Variants in RPS6KC1 observed in about 807,000 individuals in gnomAD.
RPS6KC1 encodes inactive ribosomal protein S6 kinase delta-1.
RPS6KC1 carries 54 observed loss-of-function variants against 103.8 expected under a neutral mutation model. The ratio of observed to expected loss-of-function variants is 0.52; its 90% CI spans 0.42 to 0.65. RPS6KC1 has a LOEUF of 0.65. RPS6KC1 is among the 30% of genes least tolerant of loss of function. The pLI is 0.00. For missense variants in RPS6KC1, 1,151 were observed against 1,253.8 expected, an observed-to-expected ratio of 0.92 and a Z score of 1.24; for synonymous variants, 439 against 438.7, an observed-to-expected ratio of 1.00 and a Z score of -0.01.
the RPS6KC1 span, among the ~76,000 whole-genome samples, chr1:213,698,952 G>A: frequency 3.3e-5 from 5 of 151,680 alleles, no homozygotes; most frequent in Non-Finnish European, 5.9e-5. Flanking sequence ...TATATTTTGA[G>A]GGTACGTGAG....
intron 2 of RPS6KC1, among the ~76,000 whole-genome samples, chr1:213,072,366 A>T (rs775905311): frequency 1.1e-4 from 16 of 152,004 alleles, no homozygotes; most frequent in Non-Finnish European, 1.5e-5. Flanking sequence ...TTTTTGTCCT[A>T]TGATTTAAAA....
chr1:213,070,085 T>A (rs2078730262), intron 1 of RPS6KC1, among the ~76,000 whole-genome samples: 1 of 152,258 alleles, frequency 6.6e-6, no homozygotes, highest in South Asian at 2.1e-4. Flanking sequence ...GTTTTCTTCA[T>A]CATAGGTAGC....
chr1:213,854,566 C>CTTTCTTTCTTTCTT, the RPS6KC1 span, among the ~76,000 whole-genome samples: 6 of 61,824 alleles, frequency 9.7e-5, no homozygotes, highest in East Asian at 4.0e-4. Flanking sequence ...CTTTCTTTCT[C>CTTTCTTTCTTTCTT]TCTCTCTCTC....
the RPS6KC1 span, among the ~76,000 whole-genome samples, chr1:213,654,069 G>T: frequency 6.6e-6 from 1 of 152,292 alleles, no homozygotes; most frequent in African/African-American, 2.4e-5. Context: ...TAGAACCAAC[G>T]CCAGATGGCA....
At chr1:213,757,878 T>C in the RPS6KC1 span, among the ~76,000 whole-genome samples, 6 of 152,180 alleles carry the variant, frequency 3.9e-5, no homozygotes, top group African/African-American at 1.4e-4. Flanking sequence ...CATAGGGCCC[T>C]TAAGAATGAT....
At chr1:213,333,450 G>A in the RPS6KC1 span, among the ~76,000 whole-genome samples, 1 of 152,156 alleles carries the variant, frequency 6.6e-6, no homozygotes, top group East Asian at 1.9e-4. Flanking sequence ...CATTCCTAGA[G>A]ACAGAAGTTG....
intron 8 of RPS6KC1, among the ~76,000 whole-genome samples, chr1:213,219,242 A>G (rs2093756931): frequency 6.6e-6 from 1 of 152,248 alleles, no homozygotes; most frequent in Non-Finnish European, 1.5e-5. Context: ...TATGCAGCCA[A>G]CAGACACATG....
chr1:213,591,380 C>T, the RPS6KC1 span, among the ~76,000 whole-genome samples: 2 of 152,100 alleles, frequency 1.3e-5, no homozygotes, highest in Non-Finnish European at 2.9e-5. Flanking sequence ...TTTTCAAAGC[C>T]TCCACTGAAA....
At chr1:213,196,363 T>C (rs1376389054) in intron 8 of RPS6KC1, among the ~76,000 whole-genome samples, 1 of 152,200 alleles carries the variant, frequency 6.6e-6, no homozygotes, top group Non-Finnish European at 1.5e-5. Flanking sequence ...TTTGACTTCC[T>C]TGTAGATTCT....
chr1:213,570,427 G>A, the RPS6KC1 span, among the ~76,000 whole-genome samples: 25 of 152,130 alleles, frequency 1.6e-4, no homozygotes, highest in East Asian at 1.9e-4. Flanking sequence ...ACGGACCCAC[G>A]TCCCAACTGA....
At chr1:213,288,169 T>C in the RPS6KC1 span, among the ~76,000 whole-genome samples, 5 of 152,168 alleles carry the variant, frequency 3.3e-5, no homozygotes, top group African/African-American at 9.7e-5. Context: ...CCAAAACACT[T>C]GTGTCAACCG....
the RPS6KC1 span, among the ~76,000 whole-genome samples, chr1:213,585,251 C>T: frequency 6.6e-6 from 1 of 152,188 alleles, no homozygotes; most frequent in Non-Finnish European, 1.5e-5. Flanking sequence ...CATTCCCTAG[C>T]CCCATGTTGG....
the RPS6KC1 span, among the ~76,000 whole-genome samples, chr1:213,666,100 G>T: frequency 4.6e-5 from 7 of 152,194 alleles, no homozygotes; most frequent in Non-Finnish European, 1.5e-5. Flanking sequence ...GCAGCAGATT[G>T]TTCCTGCTCT....
At chr1:213,303,584 T>G in the RPS6KC1 span, among the ~76,000 whole-genome samples, 1 of 152,224 alleles carries the variant, frequency 6.6e-6, no homozygotes, top group East Asian at 1.9e-4. Flanking sequence ...TTCCGTACCC[T>G]GGCTGTGTTT....
the RPS6KC1 span, among the ~76,000 whole-genome samples, chr1:213,288,848 T>C: frequency 6.6e-6 from 1 of 152,248 alleles, no homozygotes; most frequent in Non-Finnish European, 1.5e-5. Context: ...AGAAACTTCC[T>C]GTGCGAATGG....
the RPS6KC1 span, among the ~76,000 whole-genome samples, chr1:213,824,887 C>T: frequency 0.017 from 2,593 of 152,194 alleles, 33 homozygotes; most frequent in Non-Finnish European, 0.024. Context: ...CATTGATGCC[C>T]GCCTCCTGCA....
chr1:213,710,621 A>G, the RPS6KC1 span, among the ~76,000 whole-genome samples: 1 of 152,150 alleles, frequency 6.6e-6, no homozygotes. Flanking sequence ...AATGGTCTTT[A>G]CATTTTGGTA....
chr1:213,386,356 A>G, the RPS6KC1 span, among the ~76,000 whole-genome samples: 2 of 152,188 alleles, frequency 1.3e-5, no homozygotes, highest in African/African-American at 2.4e-5. Flanking sequence ...GTATTCCTTT[A>G]TGGCAAACAA....
At chr1:213,061,277 A>C (rs2077815001) in intron 1 of RPS6KC1, among the ~76,000 whole-genome samples, 4 of 152,198 alleles carry the variant, frequency 2.6e-5, no homozygotes. Flanking sequence ...CTTGTTAGAA[A>C]GTTGAATGTC....
Sources: allele counts gnomAD v4.1 joint callset (sites outside exome capture counted in the v4.1 genomes callset), GRCh38; gene constraint gnomAD v4.1.1; transcripts MANE v1.5; gene names NCBI Gene and HGNC (gene_info 2026-07-23, HGNC 2026-07-21).